CALN1: variants seen among roughly 807,000 people sequenced by gnomAD.
CALN1 encodes the protein calcium-binding protein 8.
A neutral mutation model predicts 30.6 loss-of-function variants in CALN1; 17 were observed. The observed-to-expected ratio is 0.56, with a 90% CI of 0.38 to 0.83. The LOEUF is 0.83. Among genes scored for constraint, CALN1 ranks in the 40% least tolerant of loss-of-function variants. The probability of loss-of-function intolerance (pLI) is 0.00; values close to 1 mark genes in which losing one functional copy is unlikely to be tolerated. For missense variants in CALN1, 291 were observed against 354.9 expected (o/e 0.82, Z 1.45); for synonymous variants, 156 against 131.4 (o/e 1.19, Z -1.28).
chr7:72,392,746 T>C (rs1805655267), intron 2 of CALN1, among the ~76,000 whole-genome samples: 1 of 151,538 alleles, frequency 6.6e-6, no homozygotes, highest in Non-Finnish European at 1.5e-5. Context: ...GAAGCCAAGG[T>C]GGGAGGATTG....
chr7:71,959,946 C>CA (rs2129525032), intron 5 of CALN1, among the ~76,000 whole-genome samples: 1 of 151,954 alleles, frequency 6.6e-6, no homozygotes, highest in African/African-American at 2.4e-5. Flanking sequence ...TCAGTCTGGT[C>CA]AACATGGTGA....
At chr7:71,921,559 T>A (rs1794946609) in intron 5 of CALN1, among the ~76,000 whole-genome samples, 1 of 152,156 alleles carries the variant, frequency 6.6e-6, no homozygotes. Context: ...ATACATATAT[T>A]ATCAGGATGG....
chr7:71,796,107 G>C (rs1425362085), intron 6 of CALN1, among the ~76,000 whole-genome samples: 2 of 151,968 alleles, frequency 1.3e-5, no homozygotes, highest in African/African-American at 4.8e-5. Flanking sequence ...TTACAGGCAT[G>C]AGCCACTGTG....
intron 2 of CALN1, among the ~76,000 whole-genome samples, chr7:72,296,394 G>A (rs1798859611): frequency 6.9e-6 from 1 of 144,290 alleles, no homozygotes; most frequent in Non-Finnish European, 1.5e-5. Context: ...AGTTAGGGAG[G>A]ATTCCCTCTT....
At chr7:71,802,333 G>A (rs1160033728) in intron 6 of CALN1, among the ~76,000 whole-genome samples, 1 of 152,162 alleles carries the variant, frequency 6.6e-6, no homozygotes, top group Non-Finnish European at 1.5e-5. Flanking sequence ...AACCAAGAAT[G>A]TCTGGTGCCT....
intron 1 of CALN1, among the ~76,000 whole-genome samples, chr7:72,407,774 C>CTTCTCA (rs1437429879): frequency 1.3e-5 from 2 of 152,050 alleles, no homozygotes; most frequent in Non-Finnish European, 2.9e-5. Context: ...ACTGACTGAG[C>CTTCTCA]TTCTCAGCTC....
intron 2 of CALN1, among the ~76,000 whole-genome samples, chr7:72,339,813 T>C (rs1276505264): frequency 6.6e-6 from 1 of 152,182 alleles, no homozygotes; most frequent in Non-Finnish European, 1.5e-5. Context: ...TGAGACTTAT[T>C]CACTATCATG....
intron 3 of CALN1, among the ~76,000 whole-genome samples, chr7:72,250,888 C>T (rs117007641): frequency 0.015 from 2,235 of 152,182 alleles, 25 homozygotes; most frequent in African/African-American, 0.028. Context: ...TCAGGTATCC[C>T]TATATAGCAA....
chr7:72,276,077 T>G (rs1287280628), intron 3 of CALN1, among the ~76,000 whole-genome samples: 1 of 152,218 alleles, frequency 6.6e-6, no homozygotes. Context: ...CCACAGATGA[T>G]TCCAAACTCC....
At chr7:72,269,720 T>C (rs1054930324) in intron 3 of CALN1, among the ~76,000 whole-genome samples, 1 of 152,158 alleles carries the variant, frequency 6.6e-6, no homozygotes, top group Non-Finnish European at 1.5e-5. Context: ...ATCAGCACTC[T>C]TCAGAGAAAG....
intron 5 of CALN1, among the ~76,000 whole-genome samples, chr7:71,847,788 GAAGAAGAA>G (rs1790384721): frequency 1.4e-5 from 2 of 146,800 alleles, no homozygotes; most frequent in East Asian, 2.2e-4. Flanking sequence ...AGAAGAAGAA[GAAGAAGAA>G]AAGAAGAAAA....
chr7:72,093,504 T>C lies in CALN1; in HGVS notation c.388+12647A>G, dbSNP rs183981737. On this transcript the variant is annotated intron_variant, in intron 4 of 6. Coordinates refer to ENST00000395275, the MANE Select transcript of CALN1 (RefSeq NM_031468.4). ...CTGAAAAGGGGATACTAGTATCTAC[T>C]GCATGCATTAGCATTATGATTAATT... is the stretch of plus-strand genomic sequence containing the variant. Among the ~76,000 whole-genome samples the C allele has an allele frequency of 2.0e-5, 3 of 152,336 alleles. No individual in the cohort carries two copies. The East Asian group carries it at 5.8e-4, about 29-fold the overall frequency.
chr7:72,035,142 A>C (rs1393790070), intron 4 of CALN1, among the ~76,000 whole-genome samples: 1 of 152,136 alleles, frequency 6.6e-6, no homozygotes, highest in Non-Finnish European at 1.5e-5. Flanking sequence ...GTACCATCAC[A>C]ACCATTTTTA....
intron 5 of CALN1, among the ~76,000 whole-genome samples, chr7:71,940,202 T>C (rs762919847): frequency 6.6e-5 from 10 of 152,232 alleles, no homozygotes; most frequent in Non-Finnish European, 1.2e-4. Context: ...ATCTGATTAA[T>C]TTTTTATGCT....
chr7:72,365,464 G>T (rs966264685), intron 2 of CALN1, among the ~76,000 whole-genome samples: 3 of 152,080 alleles, frequency 2.0e-5, no homozygotes, highest in South Asian at 2.1e-4. Flanking sequence ...TTTATTTTTT[G>T]AATAGGGTCT....
At chr7:72,177,179 G>C (rs954457622) in intron 3 of CALN1, among the ~76,000 whole-genome samples, 1 of 152,146 alleles carries the variant, frequency 6.6e-6, no homozygotes, top group African/African-American at 2.4e-5. Flanking sequence ...CAATGAGCAC[G>C]AGCATTCTGA....
the CALN1 span, among the ~76,000 whole-genome samples, chr7:72,471,983 A>C: frequency 6.6e-6 from 1 of 152,020 alleles, no homozygotes; most frequent in East Asian, 1.9e-4. Flanking sequence ...TTTTGTAGAG[A>C]TGGGGTCTTG....
chr7:71,817,104 C>T (rs1428024466), intron 5 of CALN1, among the ~76,000 whole-genome samples: 1 of 151,188 alleles, frequency 6.6e-6, no homozygotes, highest in Non-Finnish European at 1.5e-5. Flanking sequence ...ATCTGTCTTT[C>T]AAAAGTTTGA....
chr7:72,363,436 G>A (rs1291393162), intron 2 of CALN1, among the ~76,000 whole-genome samples: 5 of 151,544 alleles, frequency 3.3e-5, no homozygotes, highest in South Asian at 2.1e-4. Flanking sequence ...AAGGGGTTTC[G>A]CCATGTTGGC....
Sources: allele counts gnomAD v4.1 joint callset (sites outside exome capture counted in the v4.1 genomes callset), GRCh38; gene constraint gnomAD v4.1.1; transcripts MANE v1.5; gene names NCBI Gene and HGNC (gene_info 2026-07-23, HGNC 2026-07-21).